NRXN3: variants seen among roughly 807,000 people sequenced by gnomAD.
The protein encoded by NRXN3 is neurexin 3.
In NRXN3, 32 loss-of-function variants were observed where a neutral mutation model predicts 137.6. The observed-to-expected ratio is 0.23, with a 90% CI of 0.18 to 0.31. NRXN3 has a LOEUF of 0.31. Among genes scored for constraint, NRXN3 ranks in the 10% least tolerant of loss-of-function variants. The pLI, the probability that NRXN3 is intolerant of heterozygous loss-of-function variation, is 1.00. For synonymous variants in NRXN3, 798 were observed against 784.5 expected, an observed-to-expected ratio of 1.02 and a Z score of -0.29; for missense variants, 1,574 against 2,062.5, an observed-to-expected ratio of 0.76 and a Z score of 4.59.
Position 79,029,506 on chromosome 14 carries a change from C to G in NRXN3, c.3262+41365C>G, listed in dbSNP as rs1020237004. On this transcript the variant is annotated intron_variant, in intron 15 of 20. Transcript: ENST00000335750. ...ATTCTGTTTCAGGAATGGCAAATTC[C>G]AGTTTACAGATGGATGGAAAAGATT... is the stretch of plus-strand genomic sequence containing the variant. Among the ~76,000 whole-genome samples, 6 of 152,020 alleles carry G rather than the reference C, an allele frequency of 3.9e-5. No individual in the cohort carries two copies. The South Asian group carries it at 1.0e-3, about 26-fold the overall frequency.
intron 4 of NRXN3, among the ~76,000 whole-genome samples, chr14:78,376,410 A>G (rs112261429): frequency 2.0e-5 from 3 of 152,306 alleles, no homozygotes; most frequent in African/African-American, 7.2e-5. Context: ...AGATTTTTCA[A>G]TTTTAAAAAC....
chr14:78,272,841 GT>G (rs544445259), intron 2 of NRXN3, among the ~76,000 whole-genome samples: 113 of 152,206 alleles, frequency 7.4e-4, no homozygotes, highest in African/African-American at 2.4e-3. Flanking sequence ...ACCTGTTAGG[GT>G]TTTAATGAAG....
chr14:78,493,158 G>A (rs1229444228), intron 4 of NRXN3, among the ~76,000 whole-genome samples: 2 of 152,072 alleles, frequency 1.3e-5, no homozygotes, highest in Non-Finnish European at 2.9e-5. Flanking sequence ...TGTGCGTTTT[G>A]TGTCCTCATC....
At chr14:78,307,616 C>CT (rs2077503271) in intron 4 of NRXN3, among the ~76,000 whole-genome samples, 1 of 152,086 alleles carries the variant, frequency 6.6e-6, no homozygotes, top group South Asian at 2.1e-4. Flanking sequence ...GAGTTTTTCT[C>CT]TTTTTTCCTA....
intron 10 of NRXN3, among the ~76,000 whole-genome samples, chr14:78,938,842 A>ATTTTTTTT (rs1312407059): frequency 0.046 from 6,105 of 133,568 alleles, 189 homozygotes; most frequent in Non-Finnish European, 0.066. Flanking sequence ...GTCCAGAGTG[A>ATTTTTTTT]TTTTTCTTTT....
intron 10 of NRXN3, among the ~76,000 whole-genome samples, chr14:78,938,323 A>T (rs948563581): frequency 1.3e-5 from 2 of 152,224 alleles, no homozygotes. Context: ...GTTCTTTCTC[A>T]CACCCTGCTG....
chr14:78,551,572 C>G (rs1381890338), intron 4 of NRXN3, among the ~76,000 whole-genome samples: 1 of 151,360 alleles, frequency 6.6e-6, no homozygotes, highest in Non-Finnish European at 1.5e-5. Context: ...CTGCCCTTTT[C>G]TATCCTCCTC....
At chr14:78,824,875 G>C (rs1030766467) in intron 10 of NRXN3, among the ~76,000 whole-genome samples, 1 of 152,042 alleles carries the variant, frequency 6.6e-6, no homozygotes, top group South Asian at 2.1e-4. Flanking sequence ...CATTTACCCT[G>C]ATGTGATTAT....
chr14:79,523,556 A>C (rs1417645585), intron 16 of NRXN3, among the ~76,000 whole-genome samples: 1 of 152,242 alleles, frequency 6.6e-6, no homozygotes, highest in Non-Finnish European at 1.5e-5. Flanking sequence ...CTCACTGCTC[A>C]GGATCTGAGA....
intron 15 of NRXN3, among the ~76,000 whole-genome samples, chr14:79,361,254 C>A (rs2093670693): frequency 6.6e-6 from 1 of 152,218 alleles, no homozygotes; most frequent in Admixed American, 6.5e-5. Context: ...AGCTGTTTCA[C>A]TGGGGCATCA....
intron 1 of NRXN3, among the ~76,000 whole-genome samples, chr14:78,230,191 A>C (rs2065196550): frequency 6.6e-6 from 1 of 151,584 alleles, no homozygotes; most frequent in Non-Finnish European, 1.5e-5. Context: ...CACCTGACTA[A>C]TTTTTGTATT....
At chr14:79,110,115 ATAT>A (rs2053208730) in intron 15 of NRXN3, among the ~76,000 whole-genome samples, 1 of 152,194 alleles carries the variant, frequency 6.6e-6, no homozygotes, top group East Asian at 1.9e-4. Flanking sequence ...GTATTATGTT[ATAT>A]TATTTTAATT....
Position 79,862,219 on chromosome 14 carries a change from G to A in NRXN3, c.*255G>A. ...GAGACAGAAGGTTTTGTGCCCTGCTGTATCATAAAGCACACACTTAGCGCT... is the reference window on the plus strand; with the variant it reads ...GAGACAGAAGGTTTTGTGCCCTGCTATATCATAAAGCACACACTTAGCGCT... On this transcript the variant is annotated 3_prime_UTR_variant, in exon 21 of 21. Transcript: ENST00000335750. 2.3e-6 allele frequency: 1 copy of A among 433,394 alleles called. No homozygotes were observed. The highest frequency in any genetic ancestry group is 4.2e-6 in the Non-Finnish European group (1 of 237,372). The allele number at this position is 433,394 out of a possible 1,614,324, so 26.8% of individuals were successfully genotyped here.
At chr14:78,180,501 T>C (rs1322691779) in intron 1 of NRXN3, among the ~76,000 whole-genome samples, 1 of 152,246 alleles carries the variant, frequency 6.6e-6, no homozygotes. Context: ...TCATTCTCGT[T>C]GTACAGGTGA....
In NRXN3 at chr14:78,768,897, C is replaced by G. The variant is rs193251723; in HGVS notation, c.2045-34723C>G. Among the ~76,000 whole-genome samples, 59 of 152,222 alleles carry G rather than the reference C, an allele frequency of 3.9e-4. No individual in the cohort carries two copies. The East Asian group carries it at 0.011, about 28-fold the overall frequency. On this transcript the variant is annotated intron_variant, in intron 8 of 20. Coordinates refer to ENST00000335750, the MANE Select transcript of NRXN3 (RefSeq NM_001330195.2). ...CACCAAACTAGAAGCTCTCCAAACC[C>G]CATGTTTTAAGGTTTTTAAGGAGGA...
intron 8 of NRXN3, among the ~76,000 whole-genome samples, chr14:78,776,211 GTGCCAAT>G (rs2098744487): frequency 6.6e-6 from 1 of 152,186 alleles, no homozygotes; most frequent in Admixed American, 6.5e-5. Flanking sequence ...TTATTAAACT[GTGCCAAT>G]TGCCTGCCCT....
chr14:79,576,159 TAAATTA>T (rs1392028134), intron 16 of NRXN3, among the ~76,000 whole-genome samples: 1 of 152,122 alleles, frequency 6.6e-6, no homozygotes, highest in Non-Finnish European at 1.5e-5. Context: ...GGAGCAGAAA[TAAATTA>T]AAAATGCTTT....
intron 8 of NRXN3, among the ~76,000 whole-genome samples, chr14:78,797,435 GTAAC>G (rs1307950409): frequency 6.6e-6 from 1 of 152,070 alleles, no homozygotes; most frequent in Non-Finnish European, 1.5e-5. Context: ...AAGAATACAA[GTAAC>G]TATTATAAAT....
intron 4 of NRXN3, among the ~76,000 whole-genome samples, chr14:78,398,625 C>G (rs181100835): frequency 3.2e-4 from 49 of 152,242 alleles, no homozygotes; most frequent in Middle Eastern, 3.4e-3. Context: ...TTACTATTCC[C>G]CATGTGGCCT....
Sources: allele counts gnomAD v4.1 joint callset (sites outside exome capture counted in the v4.1 genomes callset), GRCh38; gene constraint gnomAD v4.1.1; transcripts MANE v1.5; gene names NCBI Gene and HGNC (gene_info 2026-07-23, HGNC 2026-07-21).